ABCD2: variants seen among roughly 807,000 people sequenced by gnomAD.
The protein encoded by ABCD2 is ATP binding cassette subfamily D member 2.
ABCD2 carries 36 observed loss-of-function variants against 70.9 expected under a neutral mutation model. That is an observed-to-expected ratio of 0.51 (90% CI 0.39 to 0.67). The LOEUF (loss-of-function observed/expected upper bound fraction) is 0.67, where lower values mean the gene tolerates loss of function less well. ABCD2 is among the 30% of genes least tolerant of loss of function. The probability of loss-of-function intolerance (pLI) is 0.00; values close to 1 mark genes in which losing one functional copy is unlikely to be tolerated. For missense variants in ABCD2, 729 were observed against 890.2 expected (o/e 0.82, Z 2.30); for synonymous variants, 304 against 306.9 (o/e 0.99, Z 0.10).
At chr12:39,543,380 A>G in the ABCD2 span, among the ~76,000 whole-genome samples, 13 of 152,168 alleles carry the variant, frequency 8.5e-5, no homozygotes, top group Admixed American at 7.9e-4. Flanking sequence ...GCAGTCATAT[A>G]TTACCATCTC....
intron 2 of ABCD2, 33 bp downstream of exon 2, chr12:39,616,955 A>C: frequency 6.5e-7 from 1 of 1,541,162 alleles, no homozygotes. Context: ...TAATGTTAAA[A>C]ATATATTTGA....
intron 9 of ABCD2, among the ~76,000 whole-genome samples, chr12:39,563,900 AG>A (rs1258919827): frequency 1.3e-5 from 2 of 152,146 alleles, no homozygotes; most frequent in African/African-American, 4.8e-5. Context: ...TCCTTGCGAT[AG>A]TTTGCTGAGA....
chr12:39,568,249 A>T (rs923353175), intron 9 of ABCD2, among the ~76,000 whole-genome samples: 3 of 152,188 alleles, frequency 2.0e-5, no homozygotes, highest in African/African-American at 7.2e-5. Flanking sequence ...TCTCCCCGTC[A>T]CTTTCAGGTA....
chr12:39,570,963 T>C (rs1941439117), intron 9 of ABCD2, among the ~76,000 whole-genome samples: 1 of 152,078 alleles, frequency 6.6e-6, no homozygotes, highest in East Asian at 1.9e-4. Flanking sequence ...CAAAAGAAGA[T>C]ACACACAAAT....
chr12:39,536,411 AG>A, the ABCD2 span, among the ~76,000 whole-genome samples: 2 of 152,238 alleles, frequency 1.3e-5, no homozygotes, highest in African/African-American at 2.4e-5. Context: ...CAAATATGGA[AG>A]GGTCAAATAT....
intron 1 of ABCD2, among the ~76,000 whole-genome samples, chr12:39,617,753 T>A (rs1942136210): frequency 6.6e-6 from 1 of 152,222 alleles, no homozygotes; most frequent in Non-Finnish European, 1.5e-5. Flanking sequence ...CACTGATAAT[T>A]ACAGATGCTT....
At position 39,553,688 on chromosome 12, in the gene ABCD2, C is replaced by T. The variant is rs1941120417; in HGVS notation, c.*224G>A. Reference sequence around the variant, plus strand: ...ATCCTGTTTTACAAGTGCATTAGGCCTTCACTAGGAATTAGTATAAGTCAT... The same window carrying T: ...ATCCTGTTTTACAAGTGCATTAGGCTTTCACTAGGAATTAGTATAAGTCAT... On this transcript the variant is annotated 3_prime_UTR_variant, in exon 10 of 10. Transcript: ENST00000308666. 3 of 476,414 alleles carry T rather than the reference C, an allele frequency of 6.3e-6. No homozygotes were observed. The highest frequency in any genetic ancestry group is 1.1e-5 in the Non-Finnish European group (3 of 268,776). 29.5% of individuals were successfully genotyped at this position (476,414 alleles called of 1,614,324 possible).
chr12:39,610,157 T>C (rs796899416), intron 2 of ABCD2, among the ~76,000 whole-genome samples: 10 of 152,250 alleles, frequency 6.6e-5, no homozygotes, highest in African/African-American at 2.4e-4. Flanking sequence ...TGTCGAGTAA[T>C]GCTAATTGAA....
At chr12:39,547,826 AAG>A (rs1178091012), downstream of ABCD2, among the ~76,000 whole-genome samples, 2 of 152,288 alleles carry the variant, frequency 1.3e-5, no homozygotes, top group African/African-American at 4.8e-5. Context: ...CAAAATAAAA[AAG>A]AATTCAGTAA....
chr12:39,537,002 T>C, the ABCD2 span, among the ~76,000 whole-genome samples: 2 of 152,170 alleles, frequency 1.3e-5, no homozygotes, highest in African/African-American at 4.8e-5. Context: ...TGCCTAAACT[T>C]GGAGGCTGCT....
At chr12:39,590,367 T>C (rs1184438658) in intron 6 of ABCD2, among the ~76,000 whole-genome samples, 1 of 152,038 alleles carries the variant, frequency 6.6e-6, no homozygotes, top group Non-Finnish European at 1.5e-5. Flanking sequence ...ACAAAAGAAA[T>C]GGTCAGATTG....
chr12:39,563,782 T>A (rs4298947), intron 9 of ABCD2, among the ~76,000 whole-genome samples: 15,423 of 152,096 alleles, frequency 0.1, 801 homozygotes, highest in East Asian at 0.16. Flanking sequence ...CACCCTCCCC[T>A]CACCTCACAA....
chr12:39,544,434 C>T, the ABCD2 span, among the ~76,000 whole-genome samples: 4 of 152,186 alleles, frequency 2.6e-5, no homozygotes, highest in South Asian at 2.1e-4. Flanking sequence ...CAATCTAGTC[C>T]CCAGGCAAGA....
intron 9 of ABCD2, among the ~76,000 whole-genome samples, chr12:39,561,447 G>A (rs138025538): frequency 1.1e-3 from 172 of 151,022 alleles, no homozygotes; most frequent in African/African-American, 3.8e-3. Context: ...CCAACTGTGC[G>A]CTGCTTACAG....
intron 9 of ABCD2, among the ~76,000 whole-genome samples, chr12:39,567,831 A>C (rs1239758082): frequency 6.6e-6 from 1 of 152,134 alleles, no homozygotes; most frequent in African/African-American, 2.4e-5. Context: ...GTGGTGACAA[A>C]ATCTCTCAGC....
chr12:39,573,854 A>G lies in ABCD2; in HGVS notation c.1878-13T>C, dbSNP rs1941480985. The G allele has an allele frequency of 2.5e-6, 4 of 1,606,098 alleles. No homozygotes were observed. Among genetic ancestry groups the G allele is most frequent in the Non-Finnish European group, 3.4e-6 (4 of 1,176,202 alleles). ...GGCATATTTTGGTCTTTTAAAAAGT[A>G]CACACAAAAATTAATTATTTTGCTA... On this transcript the variant is annotated splice_polypyrimidine_tract_variant and intron_variant, in intron 8 of 9. Coordinates refer to ENST00000308666, the MANE Select transcript of ABCD2 (RefSeq NM_005164.4).
chr12:39,556,426 G>A (rs112539648), intron 9 of ABCD2, among the ~76,000 whole-genome samples: 2 of 152,054 alleles, frequency 1.3e-5, no homozygotes, highest in East Asian at 1.9e-4. Flanking sequence ...TAATGAGTGA[G>A]TTTTCATGAG....
At position 39,600,669 on chromosome 12, in the gene ABCD2, C is replaced by T. The variant is rs1178000286; in HGVS notation, c.1548G>A (p.Gly516=). 9 of 1,612,428 alleles carry T rather than the reference C, an allele frequency of 5.6e-6. No individual in the cohort carries two copies. The highest frequency in any genetic ancestry group is 6.8e-6 in the Non-Finnish European group (8 of 1,179,286). ...HLLITGPNGC[G]KSSLFRILSG... The stretch of plus-strand genomic sequence containing the variant: ...TTAGAATTCTGAAGAGAGAACTTTT[C>T]CCACAACCATTGGGACCAGTTATCA... The change falls in exon 6 of 10, where the codon GGG becomes GGA. Residue 516 remains glycine (G), a synonymous_variant. Coordinates refer to ENST00000308666, the MANE Select transcript of ABCD2 (RefSeq NM_005164.4).
chr12:39,561,888 A>T (rs1941265073), intron 9 of ABCD2, among the ~76,000 whole-genome samples: 1 of 152,206 alleles, frequency 6.6e-6, no homozygotes, highest in South Asian at 2.1e-4. Flanking sequence ...CAGAATATAC[A>T]TTCTTCTCAA....
Sources: allele counts gnomAD v4.1 joint callset (sites outside exome capture counted in the v4.1 genomes callset), GRCh38; gene constraint gnomAD v4.1.1; transcripts MANE v1.5; gene names NCBI Gene and HGNC (gene_info 2026-07-23, HGNC 2026-07-21).